Variants in MED12L observed in about 807,000 individuals in gnomAD.
The protein encoded by MED12L is mediator of RNA polymerase II transcription subunit 12-like protein.
A neutral mutation model predicts 281.3 loss-of-function variants in MED12L; 60 were observed. The observed-to-expected ratio is 0.21, with a 90% confidence interval of 0.17 to 0.26. The LOEUF (loss-of-function observed/expected upper bound fraction) is 0.26, where lower values mean the gene tolerates loss of function less well. Among genes scored for constraint, MED12L ranks in the 10% least tolerant of loss-of-function variants. The pLI is 1.00. For missense variants in MED12L, 2,146 were observed against 2,680.9 expected, an observed-to-expected ratio of 0.80 and a Z score of 4.41; for synonymous variants, 974 against 987.2, an observed-to-expected ratio of 0.99 and a Z score of 0.25.
chr3:151,186,350 C>T (rs551376408), intron 12 of MED12L, among the ~76,000 whole-genome samples: 4 of 152,194 alleles, frequency 2.6e-5, no homozygotes, highest in East Asian at 1.9e-4. Context: ...CAGCAACTGC[C>T]GATCTTTTCG....
chr3:151,350,181 TAAG>T lies in MED12L; in HGVS notation c.2378_2380del (p.Lys793del). On this transcript the variant is annotated inframe_deletion, in exon 17 of 45. Coordinates refer to ENST00000687756, the MANE Select transcript of MED12L (RefSeq NM_001393769.1). ...CCAAAGATATCCTGAAAATTCTAAA[TAAG>T]AAGAGCACCACAGAGACAGGGGGTA... 1 of 1,613,884 alleles carries T rather than the reference TAAG, an allele frequency of 6.2e-7. No individual in the cohort carries two copies. Among genetic ancestry groups the T allele is most frequent in the South Asian group, 1.1e-5 (1 of 91,060 alleles).
chr3:151,297,595 A>G (rs1577263321), intron 16 of MED12L, among the ~76,000 whole-genome samples: 1 of 152,326 alleles, frequency 6.6e-6, no homozygotes, highest in East Asian at 1.9e-4. Flanking sequence ...TTCATGAGCT[A>G]CAGCATACTT....
At chr3:151,380,072 A>G (rs1243207187) in intron 31 of MED12L, 41 bp from the exon 32 acceptor site, 1 of 1,263,214 alleles carries the variant, frequency 7.9e-7, no homozygotes, top group South Asian at 1.4e-5. Context: ...GTAATGCATT[A>G]TTTCTAACTA....
At chr3:151,273,273 C>A (rs960934384) in intron 16 of MED12L, among the ~76,000 whole-genome samples, 1 of 148,558 alleles carries the variant, frequency 6.7e-6, no homozygotes, top group Non-Finnish European at 1.5e-5. Context: ...CTGTGTCACC[C>A]AGGCTGTGGT....
At chr3:151,392,467 G>GAAA (rs200781609) in intron 38 of MED12L, among the ~76,000 whole-genome samples, 42 of 95,824 alleles carry the variant, frequency 4.4e-4, no homozygotes, top group African/African-American at 6.3e-4. Flanking sequence ...TCCATCTCAA[G>GAAA]AAAAAAAAAA....
intron 16 of MED12L, among the ~76,000 whole-genome samples, chr3:151,210,741 A>G (rs1727033770): frequency 6.6e-6 from 1 of 152,228 alleles, no homozygotes; most frequent in Non-Finnish European, 1.5e-5. Flanking sequence ...TTGGTGCCCC[A>G]GCAATGGAAA....
rs143194673 is a variant in MED12L, at chr3:151,111,690, G to C, written c.100-4648G>C. Among the ~76,000 whole-genome samples the C allele has an allele frequency of 1.1e-3, 161 of 152,280 alleles. 3 individuals are homozygous for C. Among genetic ancestry groups the C allele is most frequent in the Admixed American group, 7.7e-3 (117 of 15,288 alleles). ...TGTTGTCGTGTTGCAGCACGAGCAA[G>C]ATTTTGACTGACACTTCAGTATGGA... On this transcript the variant is annotated intron_variant, in intron 2 of 44. Coordinates refer to ENST00000687756, the MANE Select transcript of MED12L (RefSeq NM_001393769.1).
chr3:151,132,051 T>C (rs956421576), intron 5 of MED12L, among the ~76,000 whole-genome samples: 2 of 152,190 alleles, frequency 1.3e-5, no homozygotes, highest in South Asian at 4.1e-4. Context: ...ATATTTAAAA[T>C]TGTGAATATT....
Position 151,385,064 on chromosome 3 carries a change from A to G in MED12L, c.4961A>G (p.Asp1654Gly). 1.2e-6 allele frequency: 2 copies of G among 1,606,116 alleles called. No homozygotes were observed. Among genetic ancestry groups the G allele is most frequent in the Non-Finnish European group, 1.7e-6 (2 of 1,173,512 alleles). The change falls in exon 36 of 45, where the codon GAC becomes GGC. Residue 1654 changes from aspartate to glycine, a missense_variant. Physicochemically the swap from Asp to Gly is moderately conservative, Grantham distance 94. Around this residue, in one of 9 missense-constraint regions of MED12L, gnomAD observed 212 missense variants for 340.8 expected, o/e 0.62. Coordinates refer to ENST00000687756, the MANE Select transcript of MED12L (RefSeq NM_001393769.1). The stretch of plus-strand genomic sequence containing the variant: ...GGAGACAAGCGATCAGAAAGTATTG[A>G]CAAAGTTCGACAGTTACTACCTTTG... ...ELGDKRSESI[D>G]KVRQLLPLPK...
In MED12L at chr3:151,433,032, G is replaced by T. The variant is rs1004491540; in HGVS notation, c.*228G>T. On this transcript the variant is annotated 3_prime_UTR_variant, in exon 45 of 45. Coordinates refer to ENST00000687756, the MANE Select transcript of MED12L (RefSeq NM_001393769.1). ...ACCTTTAAAGTAGGTTTACAAATGT[G>T]AATCATGCAGGCAGGCCTACTCCCG... is the stretch of plus-strand genomic sequence containing the variant. The T allele has an allele frequency of 1.2e-5, 6 of 482,838 alleles. No homozygotes were observed. Among genetic ancestry groups the T allele is most frequent in the Non-Finnish European group, 1.9e-5 (5 of 270,080 alleles). The allele number at this position is 482,838 out of a possible 1,614,324, so 29.9% of individuals were successfully genotyped here.
intron 5 of MED12L, among the ~76,000 whole-genome samples, chr3:151,134,729 A>G (rs1224633592): frequency 6.6e-6 from 1 of 152,178 alleles, no homozygotes; most frequent in Admixed American, 6.5e-5. Flanking sequence ...ACACAGCTGG[A>G]GTGGGCTGTT....
chr3:151,252,053 C>T (rs1454845196), intron 16 of MED12L, among the ~76,000 whole-genome samples: 1 of 152,138 alleles, frequency 6.6e-6, no homozygotes, highest in Non-Finnish European at 1.5e-5. Flanking sequence ...TGGAAACATA[C>T]TACTTTCAGA....
chr3:151,207,134 T>C (rs1726490515), intron 16 of MED12L, among the ~76,000 whole-genome samples: 1 of 151,858 alleles, frequency 6.6e-6, no homozygotes, highest in Non-Finnish European at 1.5e-5. Context: ...CATAGCTTGC[T>C]GCAGTCCCAG....
chr3:151,430,465 A>C, intron 44 of MED12L, 85 bp downstream of exon 44: 2 of 1,588,134 alleles, frequency 1.3e-6, no homozygotes, highest in Non-Finnish European at 1.7e-6. Flanking sequence ...GGCTCTCCCA[A>C]GATGGTACCA....
In MED12L at chr3:151,435,504, G is replaced by A. The variant is rs1053035944; in HGVS notation, c.*2700G>A. 6.6e-6 allele frequency: 1 copy of A among 152,036 alleles called. No homozygotes were observed. The highest frequency in any genetic ancestry group is 1.9e-4 in the East Asian group (1 of 5,190). The allele number at this position is 152,036 out of a possible 1,614,324, so 9.4% of individuals were successfully genotyped here. ...GTCAGTGTGATGAAAACCCAAGGGC[G>A]CTATTCCACATGTCTCAAATGATTG... is the stretch of plus-strand genomic sequence containing the variant. On this transcript the variant is annotated 3_prime_UTR_variant, in exon 45 of 45. Coordinates refer to ENST00000687756, the MANE Select transcript of MED12L (RefSeq NM_001393769.1).
At position 151,159,921 on chromosome 3, in the gene MED12L, C is replaced by T; in HGVS notation, c.927C>T (p.Ser309=). The change falls in exon 8 of 45, where the codon AGC becomes AGT. Residue 309 remains serine (S), a synonymous_variant. Coordinates refer to ENST00000687756, the MANE Select transcript of MED12L (RefSeq NM_001393769.1). ...ARRLSLLLSD[S]PNLLAAHSPH... is the part of the protein sequence containing the mutation. ...GTCTTTCCTTGCTGCTGAGCGATAG[C>T]CCCAACCTCCTTGCTGCCCACTCAC... 3 of 1,614,196 alleles carry T rather than the reference C, an allele frequency of 1.9e-6. No individual in the cohort carries two copies. The highest frequency in any genetic ancestry group is 2.5e-6 in the Non-Finnish European group (3 of 1,180,030).
chr3:151,148,468 C>T (rs1718028578), intron 5 of MED12L, among the ~76,000 whole-genome samples: 1 of 152,152 alleles, frequency 6.6e-6, no homozygotes. Flanking sequence ...TTCTCTCATT[C>T]AGTCTGCACC....
At chr3:151,142,109 G>C (rs572241579) in intron 5 of MED12L, among the ~76,000 whole-genome samples, 26 of 152,118 alleles carry the variant, frequency 1.7e-4, no homozygotes, top group Non-Finnish European at 2.6e-4. Context: ...TTCTCATTTG[G>C]GCTAGTTTTC....
intron 39 of MED12L, among the ~76,000 whole-genome samples, chr3:151,401,848 G>A (rs1469892763): frequency 6.6e-6 from 1 of 152,174 alleles, no homozygotes; most frequent in Non-Finnish European, 1.5e-5. Context: ...GGAGGTGGGT[G>A]CTTCACTTAT....
Sources: gnomAD v4.1 joint callset for allele counts (sites outside exome capture counted in the v4.1 genomes callset) on GRCh38, gnomAD v4.1.1 for gene constraint, gnomAD v4.1.1 regional missense constraint, MANE v1.5 for transcripts, NCBI Gene and HGNC (gene_info 2026-07-23, HGNC 2026-07-21) for gene names.